WASL: variants seen among roughly 807,000 people sequenced by gnomAD.
WASL encodes the protein actin nucleation-promoting factor WASL.
WASL carries 20 observed loss-of-function variants against 55.5 expected under a neutral mutation model. That is an observed-to-expected ratio of 0.36 (90% confidence interval 0.25 to 0.52). The LOEUF is 0.52. Ranked by LOEUF, WASL falls within the 20% of genes least tolerant of loss-of-function variation. The pLI is 0.92. For synonymous variants in WASL, 249 were observed against 217.6 expected, an observed-to-expected ratio of 1.14 and a Z score of -1.27; for missense variants, 504 against 622.5, an observed-to-expected ratio of 0.81 and a Z score of 2.03.
At position 123,742,926 on chromosome 7, in the gene WASL, TC is replaced by T. The variant is rs1804368518; in HGVS notation, c.117+5691del. ...TAGAGTTAACATTAGGCCTGTTCTT[TC>T]CCTGCTAGAGTCCCTGGAATCTAGA... is the stretch of plus-strand genomic sequence containing the variant. On this transcript the variant is annotated intron_variant, in intron 1 of 10. Transcript: ENST00000223023. 2.0e-5 allele frequency among the ~76,000 whole-genome samples: 3 copies of T among 152,228 alleles called. No homozygotes were observed. In the South Asian group the frequency reaches 6.2e-4, roughly 31 times the overall value.
At chr7:123,694,610 T>C in intron 8 of WASL, 105 bp downstream of exon 8, 2 of 1,214,356 alleles carry the variant, frequency 1.6e-6, no homozygotes, top group Non-Finnish European at 2.3e-6. Flanking sequence ...GACTTCAACA[T>C]TCTGCTCAAG....
rs115616533 is a variant in WASL, at chr7:123,693,074, T to C, written c.827-207A>G. ...GTCAGCCTAAAGATCACTTTCTTATTGGTTCTTAAAAAAATATGAGCTAAA... is the reference window on the plus strand; with the variant it reads ...GTCAGCCTAAAGATCACTTTCTTATCGGTTCTTAAAAAAATATGAGCTAAA... On this transcript the variant is annotated intron_variant, in intron 8 of 10. Transcript: ENST00000223023. Among the ~76,000 whole-genome samples, 828 of 152,268 alleles carry C rather than the reference T, an allele frequency of 5.4e-3. 10 individuals are homozygous for C. Among genetic ancestry groups the C allele is most frequent in the African/African-American group, 0.019 (795 of 41,556 alleles).
At chr7:123,702,443 T>C (rs1057402447) in intron 5 of WASL, among the ~76,000 whole-genome samples, 2 of 152,252 alleles carry the variant, frequency 1.3e-5, no homozygotes, top group Non-Finnish European at 2.9e-5. Flanking sequence ...TTTCAAATTC[T>C]ATCTATTCAT....
intron 1 of WASL, 25 bp from the exon 2 acceptor site, chr7:123,709,248 A>G: frequency 3.1e-6 from 5 of 1,591,306 alleles, no homozygotes; most frequent in Non-Finnish European, 4.3e-6. Context: ...ATTTATAACC[A>G]TTAGGTTCAA....
intron 10 of WASL, among the ~76,000 whole-genome samples, chr7:123,686,051 C>T (rs1803282609): frequency 6.6e-6 from 1 of 150,920 alleles, no homozygotes; most frequent in Non-Finnish European, 1.5e-5. Context: ...CTATTTTTCT[C>T]ATGTAAAATT....
chr7:123,705,725 G>A (rs1235728562), intron 4 of WASL, among the ~76,000 whole-genome samples: 1 of 152,108 alleles, frequency 6.6e-6, no homozygotes, highest in Non-Finnish European at 1.5e-5. Context: ...ATGTGTTAGA[G>A]TTGTTTCACA....
rs1188439501 is a variant in WASL, at chr7:123,683,423, T to C, written c.*1096A>G. 1.3e-5 allele frequency: 2 copies of C among 151,972 alleles called. No homozygotes were observed. The highest frequency in any genetic ancestry group is 4.8e-5 in the African/African-American group (2 of 41,412). The allele number at this position is 151,972 out of a possible 1,614,324, so 9.4% of individuals were successfully genotyped here. On this transcript the variant is annotated 3_prime_UTR_variant, in exon 11 of 11. Transcript: ENST00000223023. ...GTTATCTGTTCCAAGAACTCTGACATTGGGACCACCAATCTTTTAAGAAAA... is the reference window on the plus strand; with the variant it reads ...GTTATCTGTTCCAAGAACTCTGACACTGGGACCACCAATCTTTTAAGAAAA...
chr7:123,705,224 T>G (rs778018204), intron 4 of WASL, among the ~76,000 whole-genome samples: 27 of 152,146 alleles, frequency 1.8e-4, no homozygotes, highest in Admixed American at 8.5e-4. Context: ...AGGACATGTT[T>G]TTGAAGGCAG....
At chr7:123,710,676 T>G (rs373586124) in intron 1 of WASL, among the ~76,000 whole-genome samples, 5 of 152,156 alleles carry the variant, frequency 3.3e-5, no homozygotes, top group African/African-American at 9.7e-5. Context: ...CAGTACTGAG[T>G]AGGACACAAA....
chr7:123,690,734 A>T (rs1451786878), intron 9 of WASL, among the ~76,000 whole-genome samples: 1 of 152,170 alleles, frequency 6.6e-6, no homozygotes, highest in Admixed American at 6.5e-5. Flanking sequence ...TTCGTTAAAA[A>T]TTTTAAATCA....
At chr7:123,706,164 T>C in intron 4 of WASL, 113 bp downstream of exon 4, 1 of 979,386 alleles carries the variant, frequency 1.0e-6, no homozygotes, top group Non-Finnish European at 1.5e-6. Flanking sequence ...TGTAAACCAA[T>C]GAATACAGTT....
chr7:123,741,973 T>A (rs190027952), intron 1 of WASL, among the ~76,000 whole-genome samples: 16 of 152,302 alleles, frequency 1.1e-4, no homozygotes, highest in Admixed American at 4.6e-4. Flanking sequence ...ATATTACTCA[T>A]AGATACAATT....
At chr7:123,737,972 C>CA (rs1413583602) in intron 1 of WASL, among the ~76,000 whole-genome samples, 1 of 152,062 alleles carries the variant, frequency 6.6e-6, no homozygotes, top group Non-Finnish European at 1.5e-5. Flanking sequence ...AGTGCTCCTC[C>CA]AAGTCACTAA....
chr7:123,713,336 A>G (rs1427728638), intron 1 of WASL, among the ~76,000 whole-genome samples: 1 of 152,028 alleles, frequency 6.6e-6, no homozygotes, highest in Non-Finnish European at 1.5e-5. Context: ...AATTTTTTGT[A>G]GAGATGCAGT....
intron 1 of WASL, among the ~76,000 whole-genome samples, chr7:123,740,177 T>C (rs1393660526): frequency 2.6e-5 from 4 of 152,280 alleles, no homozygotes; most frequent in South Asian, 4.1e-4. Context: ...ATAAGACATA[T>C]ATATCTCATA....
At position 123,715,847 on chromosome 7, in the gene WASL, G is replaced by A. The variant is rs573690829; in HGVS notation, c.118-6624C>T. ...TACCAGTAAACAATCAAAATTAGAT[G>A]TTAAAACTAAAAATGGCAAGTCTTA... On this transcript the variant is annotated intron_variant, in intron 1 of 10. Coordinates refer to ENST00000223023, the MANE Select transcript of WASL (RefSeq NM_003941.4). 1.7e-4 allele frequency among the ~76,000 whole-genome samples: 26 copies of A among 152,258 alleles called. No individual in the cohort carries two copies. The South Asian group carries it at 5.0e-3, about 29-fold the overall frequency.
intron 1 of WASL, among the ~76,000 whole-genome samples, chr7:123,734,712 A>G (rs6963231): frequency 0.43 from 65,761 of 151,808 alleles, 14,791 homozygotes; most frequent in South Asian, 0.66. Flanking sequence ...TGACACTGTA[A>G]CGGTGGACAT....
chr7:123,733,840 G>A (rs1205610220), intron 1 of WASL, among the ~76,000 whole-genome samples: 3 of 147,772 alleles, frequency 2.0e-5, no homozygotes, highest in Admixed American at 1.4e-4. Flanking sequence ...TTTGACAAAG[G>A]AGCAAAGGCA....
chr7:123,729,941 AC>A (rs1804110908), intron 1 of WASL, among the ~76,000 whole-genome samples: 1 of 152,150 alleles, frequency 6.6e-6, no homozygotes, highest in Admixed American at 6.5e-5. Context: ...CCTTCAATAA[AC>A]CTAAAAATTC....
Sources: allele counts gnomAD v4.1 joint callset (sites outside exome capture counted in the v4.1 genomes callset), GRCh38; gene constraint gnomAD v4.1.1; transcripts MANE v1.5; gene names NCBI Gene and HGNC (gene_info 2026-07-23, HGNC 2026-07-21).